Variants in NKAIN3 observed in about 807,000 individuals in gnomAD.
The protein encoded by NKAIN3 is sodium/potassium-transporting ATPase subunit beta-1-interacting protein 3.
NKAIN3 carries 25 observed loss-of-function variants against 30.2 expected under a neutral mutation model. That is an observed-to-expected ratio of 0.83 (90% confidence interval 0.60 to 1.16). The LOEUF is 1.16. Among genes scored for constraint, NKAIN3 ranks in the 50% most tolerant of loss-of-function variants. The pLI, the probability that NKAIN3 is intolerant of heterozygous loss-of-function variation, is 0.00. For synonymous variants in NKAIN3, 91 were observed against 89.6 expected (o/e 1.02, Z -0.09); for missense variants, 225 against 254.1 (o/e 0.89, Z 0.78).
At chr8:62,986,147 C>A (rs920667952), downstream of NKAIN3, among the ~76,000 whole-genome samples, 1 of 152,040 alleles carries the variant, frequency 6.6e-6, no homozygotes, top group Non-Finnish European at 1.5e-5. Flanking sequence ...CTAAGAATGA[C>A]CCTATGGTTT....
At chr8:62,925,766 C>T (rs568134520) in intron 5 of NKAIN3, among the ~76,000 whole-genome samples, 4 of 152,124 alleles carry the variant, frequency 2.6e-5, no homozygotes, top group Admixed American at 2.6e-4. Flanking sequence ...TGATCAGGCA[C>T]GTCACATTTC....
At chr8:62,420,956 A>C (rs1006979547) in intron 1 of NKAIN3, among the ~76,000 whole-genome samples, 2 of 152,216 alleles carry the variant, frequency 1.3e-5, no homozygotes, top group African/African-American at 4.8e-5. Context: ...AAACACCAAA[A>C]GGAAAACTTT....
downstream of NKAIN3, among the ~76,000 whole-genome samples, chr8:62,985,785 T>C (rs1824188733): frequency 6.6e-6 from 1 of 152,182 alleles, no homozygotes; most frequent in African/African-American, 2.4e-5. Context: ...CTGTTAACTT[T>C]TATGGGAACT....
chr8:62,649,196 C>A (rs1812554613), intron 3 of NKAIN3, among the ~76,000 whole-genome samples: 2 of 152,150 alleles, frequency 1.3e-5, no homozygotes, highest in South Asian at 4.1e-4. Flanking sequence ...AAAATAAAAA[C>A]TGTAATGTCT....
intron 5 of NKAIN3, among the ~76,000 whole-genome samples, chr8:62,923,965 A>G (rs1034469193): frequency 6.6e-6 from 1 of 152,248 alleles, no homozygotes; most frequent in Non-Finnish European, 1.5e-5. Context: ...GGGGAAAGAT[A>G]GAGAAGCCCC....
intron 4 of NKAIN3, among the ~76,000 whole-genome samples, chr8:62,832,039 A>G (rs1027600688): frequency 2.0e-5 from 3 of 152,088 alleles, no homozygotes; most frequent in African/African-American, 4.8e-5. Context: ...AAATATACAA[A>G]CCAGAAGAGA....
intron 4 of NKAIN3, among the ~76,000 whole-genome samples, chr8:62,797,860 G>A (rs539201598): frequency 6.6e-6 from 1 of 152,210 alleles, no homozygotes; most frequent in South Asian, 2.1e-4. Flanking sequence ...ATTATAAAAA[G>A]GGGAAATTTG....
intron 1 of NKAIN3, among the ~76,000 whole-genome samples, chr8:62,329,523 A>T (rs898222028): frequency 2.0e-5 from 3 of 152,046 alleles, no homozygotes; most frequent in African/African-American, 7.2e-5. Flanking sequence ...CCCAGTGTTT[A>T]TCATTCCCAT....
In NKAIN3 at chr8:62,971,642, G is replaced by GT. The variant is rs1823837205; in HGVS notation, c.*6235_*6236insT. On this transcript the variant is annotated 3_prime_UTR_variant, in exon 7 of 7. Coordinates refer to ENST00000623646, the MANE Select transcript of NKAIN3 (RefSeq NM_001304533.3). Reference sequence around the variant, plus strand: ...AGCCAAACCTTGTCTCAAAAAAAAAGCGGGGGGGGCTTCATTTATTAGTAA... The same window carrying GT: ...AGCCAAACCTTGTCTCAAAAAAAAAGTCGGGGGGGGCTTCATTTATTAGTAA... Among the ~76,000 whole-genome samples the GT allele has an allele frequency of 7.3e-6, 1 of 136,136 alleles. No individual in the cohort carries two copies. Among genetic ancestry groups the GT allele is most frequent in the Admixed American group, 7.3e-5 (1 of 13,762 alleles). 89.3% of individuals were successfully genotyped at this position (136,136 alleles called of 152,430 possible). A position where few individuals can be genotyped will look rare whatever the true frequency, so the allele number is the denominator to read the frequency against.
At chr8:62,697,615 TC>T (rs1814204884) in intron 3 of NKAIN3, among the ~76,000 whole-genome samples, 1 of 152,180 alleles carries the variant, frequency 6.6e-6, no homozygotes, top group African/African-American at 2.4e-5. Flanking sequence ...ATCTAGAATC[TC>T]CCAACTTCTA....
At chr8:62,631,785 A>AC (rs1302415373) in intron 3 of NKAIN3, among the ~76,000 whole-genome samples, 4 of 152,070 alleles carry the variant, frequency 2.6e-5, no homozygotes, top group Non-Finnish European at 5.9e-5. Flanking sequence ...TTCTGCTAAA[A>AC]ATTTCTCTTC....
chr8:62,986,257 A>G (rs1269586305), downstream of NKAIN3, among the ~76,000 whole-genome samples: 1 of 152,192 alleles, frequency 6.6e-6, no homozygotes, highest in Non-Finnish European at 1.5e-5. Flanking sequence ...CCCCTAGTCC[A>G]TCCTGTGGAA....
intron 3 of NKAIN3, among the ~76,000 whole-genome samples, chr8:62,739,747 C>A (rs1815804113): frequency 6.6e-6 from 1 of 152,032 alleles, no homozygotes; most frequent in African/African-American, 2.4e-5. Context: ...TGACTCTTGT[C>A]TATAATTAAT....
intron 3 of NKAIN3, among the ~76,000 whole-genome samples, chr8:62,719,326 A>T (rs1046888460): frequency 6.6e-6 from 1 of 152,184 alleles, no homozygotes; most frequent in African/African-American, 2.4e-5. Context: ...TATTGTGATT[A>T]TTTCCCAGGG....
chr8:62,519,022 G>C (rs990315987), intron 1 of NKAIN3, among the ~76,000 whole-genome samples: 6 of 149,694 alleles, frequency 4.0e-5, no homozygotes, highest in Admixed American at 3.3e-4. Flanking sequence ...TTTCCCTAAG[G>C]GTAAAATAAA....
At chr8:62,420,798 A>G (rs949490430) in intron 1 of NKAIN3, among the ~76,000 whole-genome samples, 1 of 152,196 alleles carries the variant, frequency 6.6e-6, no homozygotes, top group Non-Finnish European at 1.5e-5. Flanking sequence ...AAATTTACAC[A>G]AATCATAAAT....
chr8:62,601,648 T>A (rs1476886185), intron 3 of NKAIN3, among the ~76,000 whole-genome samples: 1 of 152,058 alleles, frequency 6.6e-6, no homozygotes, highest in Non-Finnish European at 1.5e-5. Context: ...GCTGTGAGTA[T>A]CTGCCCACTT....
intron 1 of NKAIN3, among the ~76,000 whole-genome samples, chr8:62,459,135 A>C (rs72651514): frequency 8.1e-4 from 123 of 151,598 alleles, no homozygotes; most frequent in Non-Finnish European, 1.5e-3. Context: ...GCAGTGCTTG[A>C]TCATGAGGCA....
chr8:62,790,929 G>A (rs551261938), intron 4 of NKAIN3, among the ~76,000 whole-genome samples: 14 of 152,014 alleles, frequency 9.2e-5, no homozygotes, highest in Admixed American at 3.9e-4. Context: ...ATCCTATCTC[G>A]GCCGATGACC....
Sources: allele counts gnomAD v4.1 joint callset (sites outside exome capture counted in the v4.1 genomes callset), GRCh38; gene constraint gnomAD v4.1.1; transcripts MANE v1.5; gene names NCBI Gene and HGNC (gene_info 2026-07-23, HGNC 2026-07-21).